Variants in SPICE1 observed in about 807,000 individuals in gnomAD.
SPICE1 encodes spindle and centriole associated protein 1, also known as spindle and centriole-associated protein 1.
In SPICE1, 75 loss-of-function variants were observed where a neutral mutation model predicts 102.7. The ratio of observed to expected loss-of-function variants is 0.73; its 90% CI spans 0.61 to 0.88. SPICE1 has a LOEUF of 0.88. Ranked by LOEUF, SPICE1 falls within the 40% of genes least tolerant of loss-of-function variation. SPICE1 has a pLI of 0.00. For synonymous variants in SPICE1, 308 were observed against 350.3 expected (o/e 0.88, Z 1.35); for missense variants, 979 against 1,020.1 (o/e 0.96, Z 0.55).
At chr3:113,473,139 G>A (rs1257893110) in intron 7 of SPICE1, among the ~76,000 whole-genome samples, 3 of 152,182 alleles carry the variant, frequency 2.0e-5, no homozygotes, top group Non-Finnish European at 4.4e-5. Context: ...CATGAAGAAC[G>A]CAGAAGCCTC....
chr3:113,507,508 C>G (rs1159685924), intron 1 of SPICE1, among the ~76,000 whole-genome samples: 2 of 151,978 alleles, frequency 1.3e-5, no homozygotes, highest in African/African-American at 4.8e-5. Flanking sequence ...AAATCATTGT[C>G]TACTATAATA....
At chr3:113,451,517 T>C (rs1032683335) in intron 14 of SPICE1, among the ~76,000 whole-genome samples, 1 of 152,342 alleles carries the variant, frequency 6.6e-6, no homozygotes, top group Middle Eastern at 3.4e-3. Flanking sequence ...GATCATTTTG[T>C]ATTTCCAATT....
chr3:113,501,415 T>C (rs1432403641), intron 3 of SPICE1, among the ~76,000 whole-genome samples: 1 of 152,000 alleles, frequency 6.6e-6, no homozygotes, highest in African/African-American at 2.4e-5. Context: ...ACAGGTAAAT[T>C]TGACTTCATC....
chr3:113,480,952 C>T (rs1936485557), intron 7 of SPICE1, among the ~76,000 whole-genome samples: 1 of 62,926 alleles, frequency 1.6e-5, no homozygotes, highest in Non-Finnish European at 3.0e-5. Flanking sequence ...GTACTAAAGC[C>T]AATACCTTAC....
chr3:113,489,811 G>A (rs2107491387), intron 6 of SPICE1, among the ~76,000 whole-genome samples: 1 of 137,062 alleles, frequency 7.3e-6, no homozygotes, highest in African/African-American at 2.8e-5. Context: ...TCGTGCCACT[G>A]CATTCCAGCC....
At chr3:113,474,446 C>T (rs934532602) in intron 7 of SPICE1, among the ~76,000 whole-genome samples, 2 of 152,202 alleles carry the variant, frequency 1.3e-5, no homozygotes, top group African/African-American at 4.8e-5. Flanking sequence ...ACTTAATAGA[C>T]ATCTACAGAA....
intron 14 of SPICE1, among the ~76,000 whole-genome samples, chr3:113,453,131 C>T (rs1464029324): frequency 6.6e-6 from 1 of 152,158 alleles, no homozygotes; most frequent in Non-Finnish European, 1.5e-5. Flanking sequence ...AAAATATTTT[C>T]AATTAACATG....
At chr3:113,461,598 T>C (rs78259551) in intron 11 of SPICE1, among the ~76,000 whole-genome samples, 2,679 of 152,316 alleles carry the variant, frequency 0.018, 30 homozygotes, top group Middle Eastern at 0.041. Flanking sequence ...ATCTAAGTTA[T>C]GTATTGGTGT....
At position 113,504,571 on chromosome 3, in the gene SPICE1, CAAAAA is replaced by C. The variant is rs71633321; in HGVS notation, c.100-1349_100-1345del. ...TGGGCAACATAGCAAGACCTTGTCT[CAAAAA>C]AAAAAAAAAAAAAAAAAAGGGAAAA... On this transcript the variant is annotated intron_variant, in intron 2 of 17. Coordinates refer to ENST00000295872, the MANE Select transcript of SPICE1 (RefSeq NM_144718.4). Among the ~76,000 whole-genome samples, 216 of 67,822 alleles carry C rather than the reference CAAAAA, an allele frequency of 3.2e-3. 2 individuals are homozygous for C. In the Middle Eastern group the frequency reaches 0.045, roughly 14 times the overall value. The allele number at this position is 67,822 out of a possible 152,430, so 44.5% of individuals were successfully genotyped here.
At position 113,445,282 on chromosome 3, in the gene SPICE1, C is replaced by T. The variant is rs1462621724; in HGVS notation, c.*25G>A. ...AAGGGAAGTAATAAATTATTAAGAACAAACTCAGTGAGACTTGACTTCACT... is the reference window on the plus strand; with the variant it reads ...AAGGGAAGTAATAAATTATTAAGAATAAACTCAGTGAGACTTGACTTCACT... On this transcript the variant is annotated 3_prime_UTR_variant, in exon 18 of 18. Transcript: ENST00000295872. The T allele has an allele frequency of 2.1e-5, 34 of 1,597,148 alleles. No individual in the cohort carries two copies. Among genetic ancestry groups the T allele is most frequent in the Non-Finnish European group, 2.8e-5 (33 of 1,168,562 alleles).
In SPICE1 at chr3:113,444,055, A is replaced by G. The variant is rs1350476510; in HGVS notation, c.*1252T>C. 6.6e-6 allele frequency: 1 copy of G among 152,218 alleles called. No individual in the cohort carries two copies. Among genetic ancestry groups the G allele is most frequent in the Non-Finnish European group, 1.5e-5 (1 of 68,044 alleles). 9.4% of individuals were successfully genotyped at this position (152,218 alleles called of 1,614,324 possible). ...GGGCATACTGGAGAAGTCATATGTT[A>G]TCAAAATATATGAGTCTAAACACAA... On this transcript the variant is annotated 3_prime_UTR_variant, in exon 18 of 18. Transcript: ENST00000295872.
chr3:113,463,806 T>C (rs1272142966), intron 11 of SPICE1, among the ~76,000 whole-genome samples: 2 of 152,190 alleles, frequency 1.3e-5, no homozygotes, highest in Non-Finnish European at 2.9e-5. Context: ...CGGTGGCTCA[T>C]GCCTGTAATC....
At chr3:113,446,302 G>A (rs946908107) in intron 17 of SPICE1, among the ~76,000 whole-genome samples, 2 of 151,654 alleles carry the variant, frequency 1.3e-5, no homozygotes, top group African/African-American at 4.8e-5. Context: ...ACACCTGTGT[G>A]TCCTGCCGTA....
intron 10 of SPICE1, 104 bp from the exon 11 acceptor site, chr3:113,465,888 A>G (rs1367231561): frequency 9.7e-5 from 103 of 1,062,154 alleles, no homozygotes; most frequent in Non-Finnish European, 2.7e-6. Flanking sequence ...AGAAGCATAT[A>G]TTATGTGACA....
Position 113,458,894 on chromosome 3 carries a change from G to A in SPICE1, c.1436-1537C>T, listed in dbSNP as rs555231159. On this transcript the variant is annotated intron_variant, in intron 12 of 17. Transcript: ENST00000295872. ...TGGGAAGTGAGGAGCCCCTCTGCCC[G>A]GCCGCCACCCCGTCTGGGAGGTGTA... 2.2e-4 allele frequency among the ~76,000 whole-genome samples: 33 copies of A among 151,858 alleles called. No individual in the cohort carries two copies. In the East Asian group the frequency reaches 6.4e-3, roughly 29 times the overall value.
Position 113,468,732 on chromosome 3 carries a change from T to C in SPICE1, c.889+30A>G. On this transcript the variant is annotated intron_variant, in intron 9 of 17. Transcript: ENST00000295872. ...CAGCTGTATCAAGTTACATGTTTAA[T>C]ATTCATCTTTGTAAATTAAGGGACT... 1.9e-6 allele frequency: 3 copies of C among 1,600,274 alleles called. No individual in the cohort carries two copies. In the South Asian group the frequency reaches 3.4e-5, roughly 18 times the overall value.
chr3:113,484,345 A>G (rs191405520), intron 7 of SPICE1, among the ~76,000 whole-genome samples: 3 of 151,606 alleles, frequency 2.0e-5, no homozygotes, highest in Non-Finnish European at 2.9e-5. Context: ...GGATTCATTG[A>G]TTTTTTGAAG....
intron 4 of SPICE1, among the ~76,000 whole-genome samples, chr3:113,495,797 CTAA>C (rs1464193807): frequency 3.9e-5 from 6 of 152,060 alleles, no homozygotes; most frequent in Non-Finnish European, 5.9e-5. Flanking sequence ...AGCTTATTTC[CTAA>C]TAATAATTTT....
intron 12 of SPICE1, chr3:113,459,366 C>T (rs1017231876): frequency 5.2e-5 from 35 of 673,332 alleles, no homozygotes; most frequent in African/African-American, 4.5e-4. Flanking sequence ...TATTGTCCTA[C>T]GACCCTGCCA....
Sources: gnomAD v4.1 joint callset for allele counts (sites outside exome capture counted in the v4.1 genomes callset) on GRCh38, gnomAD v4.1.1 for gene constraint, MANE v1.5 for transcripts, NCBI Gene and HGNC (gene_info 2026-07-23, HGNC 2026-07-21) for gene names.